The following PCLAF variants were observed in gnomAD, a reference collection of about 807,000 sequenced individuals.
The protein encoded by PCLAF is PCNA-associated factor.
Under a neutral mutation model 15.1 loss-of-function variants are expected in PCLAF, and 12 were observed. That is an observed-to-expected ratio of 0.79 (90% confidence interval 0.51 to 1.29). The LOEUF (loss-of-function observed/expected upper bound fraction) is 1.29. Ranked by LOEUF, PCLAF falls within the 50% of genes most tolerant of loss-of-function variation. The probability of loss-of-function intolerance (pLI) is 0.00; values close to 1 mark genes in which losing one functional copy is unlikely to be tolerated. For synonymous variants in PCLAF, 33 were observed against 47.1 expected, an observed-to-expected ratio of 0.70 and a Z score of 1.22; for missense variants, 116 against 130.9, an observed-to-expected ratio of 0.89 and a Z score of 0.56.
At chr15:64,375,100 C>CAT (rs775317978) in intron 3 of PCLAF, among the ~76,000 whole-genome samples, 72 of 151,982 alleles carry the variant, frequency 4.7e-4, no homozygotes, top group Non-Finnish European at 8.8e-4. Flanking sequence ...CCAACTTTTC[C>CAT]ATATTGGTCA....
chr15:64,387,663 C>T (rs1262390840), exon 1 of PCLAF: 2 of 1,410,748 alleles, frequency 1.4e-6, no homozygotes, highest in African/African-American at 1.4e-5. Flanking sequence ...AGCTCGACTC[C>T]GGAGGGCACA....
chr15:64,381,199 G>C, intron 1 of PCLAF, 127 bp downstream of exon 1: 1 of 1,247,146 alleles, frequency 8.0e-7, no homozygotes, highest in Non-Finnish European at 1.2e-6. Flanking sequence ...GGGGCCAGGC[G>C]GCTACTCCCT....
chr15:64,368,943 C>A (rs2094192098), intron 3 of PCLAF, among the ~76,000 whole-genome samples: 1 of 152,128 alleles, frequency 6.6e-6, no homozygotes, highest in African/African-American at 2.4e-5. Context: ...TAAAGCTAGT[C>A]TTGACTATCA....
In PCLAF at chr15:64,376,783, C is replaced by G. The variant is rs757112395; in HGVS notation, c.250G>C (p.Glu84Gln). 1 of 1,613,910 alleles carries G rather than the reference C, an allele frequency of 6.2e-7. No homozygotes were observed. Among genetic ancestry groups the G allele is most frequent in the Non-Finnish European group, 8.5e-7 (1 of 1,179,866 alleles). Residue 84 changes from glutamate (E) to glutamine (Q), a missense_variant, in exon 3 of 4, where the codon GAA becomes CAA. Glu to Gln is a conservative substitution (Grantham distance 29). Transcript: ENST00000300035. ...CCTAAGCCACTGCTTCCTGCCTCTT[C>G]AGGAATCTGATTCTCTTTTTCAGAA... ...KDSEKENQIP[E>Q]EAGSSGLGKA...
At chr15:64,373,239 T>A (rs1899424942) in intron 3 of PCLAF, 1 of 153,018 alleles carries the variant, frequency 6.5e-6, no homozygotes, top group African/African-American at 2.4e-5. Context: ...TAATTTTTGA[T>A]GTTCTCTTTC....
chr15:64,386,797 T>C (rs939195523), intron 1 of PCLAF, among the ~76,000 whole-genome samples: 3 of 152,076 alleles, frequency 2.0e-5, no homozygotes, highest in African/African-American at 4.8e-5. Context: ...AGCAAAAAGG[T>C]AAAACAGCTG....
chr15:64,381,318 C>A lies in PCLAF; in HGVS notation c.46+8G>T. On this transcript the variant is annotated splice_region_variant and intron_variant, in intron 1 of 3. Transcript: ENST00000300035. ...CCCGCCCTCCAGTACCACACTCGAT[C>A]GCCTCACCTTTTCTGTAAGTGCCTG... 2.5e-6 allele frequency: 4 copies of A among 1,614,116 alleles called. No individual in the cohort carries two copies. The highest frequency in any genetic ancestry group is 3.4e-6 in the Non-Finnish European group (4 of 1,180,000).
chr15:64,381,609 C>A, upstream of PCLAF: 4 of 1,232,648 alleles, frequency 3.2e-6, no homozygotes, highest in Non-Finnish European at 4.4e-6. Flanking sequence ...CGTCCATCAA[C>A]ACGCAAAGGC....
upstream of PCLAF, chr15:64,382,415 CAA>C (rs112399665): frequency 2.3e-4 from 16 of 68,212 alleles, no homozygotes; most frequent in East Asian, 4.3e-4. Flanking sequence ...GATCCTGTCT[CAA>C]AAAAAAAAAA....
At chr15:64,368,482 T>C (rs1899142841) in intron 3 of PCLAF, among the ~76,000 whole-genome samples, 1 of 152,190 alleles carries the variant, frequency 6.6e-6, no homozygotes, top group South Asian at 2.1e-4. Flanking sequence ...ATCATAACTC[T>C]GTTAAAGGTT....
At chr15:64,375,741 AG>A (rs1899582272) in intron 3 of PCLAF, among the ~76,000 whole-genome samples, 1 of 152,176 alleles carries the variant, frequency 6.6e-6, no homozygotes, top group Non-Finnish European at 1.5e-5. Flanking sequence ...TTTAAGGGAC[AG>A]GATTAATGGA....
intron 3 of PCLAF, among the ~76,000 whole-genome samples, chr15:64,371,493 T>C (rs1899312344): frequency 6.6e-6 from 1 of 152,166 alleles, no homozygotes; most frequent in Non-Finnish European, 1.5e-5. Flanking sequence ...CTCAAACTCC[T>C]GACCTCAGGT....
chr15:64,367,234 T>C (rs1006978499), intron 3 of PCLAF, among the ~76,000 whole-genome samples: 2 of 152,138 alleles, frequency 1.3e-5, no homozygotes, highest in African/African-American at 4.8e-5. Context: ...GAGGGCCCTG[T>C]GGCTCGTGCC....
intron 1 of PCLAF, among the ~76,000 whole-genome samples, chr15:64,386,577 A>G (rs1899942260): frequency 6.6e-6 from 1 of 151,756 alleles, no homozygotes; most frequent in Admixed American, 6.6e-5. Flanking sequence ...CTTGCCTCTG[A>G]TTCCCAAAGT....
rs146271324 is a variant in PCLAF at position 64,381,048 on chromosome 15, G to A, written c.47-10C>T. 108 of 1,612,016 alleles carry A rather than the reference G, an allele frequency of 6.7e-5. No individual in the cohort carries two copies. Among genetic ancestry groups the A allele is most frequent in the Admixed American group, 4.6e-4 (27 of 59,290 alleles). On this transcript the variant is annotated splice_polypyrimidine_tract_variant and intron_variant, in intron 1 of 3. Coordinates refer to ENST00000300035, the MANE Select transcript of PCLAF (RefSeq NM_014736.6). Reference sequence around the variant, plus strand: ...GCTCGAGCAGCCACCACTGTGAAGAGAGGCAAAAAAGGGTGTTCAGAAGGG... The same window carrying A: ...GCTCGAGCAGCCACCACTGTGAAGAAAGGCAAAAAAGGGTGTTCAGAAGGG...
At chr15:64,369,363 TAA>T (rs72110519) in intron 3 of PCLAF, among the ~76,000 whole-genome samples, 71,889 of 95,094 alleles carry the variant, frequency 0.76, 27,410 homozygotes, top group East Asian at 0.95. Context: ...CCTGTCTCTT[TAA>T]AAAAAAAAAA....
At chr15:64,384,609 G>A (rs186195807), upstream of PCLAF, among the ~76,000 whole-genome samples, 2 of 151,558 alleles carry the variant, frequency 1.3e-5, no homozygotes, top group Non-Finnish European at 2.9e-5. Flanking sequence ...AGGCATGATG[G>A]CTGGTGCCTG....
At chr15:64,384,833 C>A (rs566112639), upstream of PCLAF, among the ~76,000 whole-genome samples, 2 of 151,482 alleles carry the variant, frequency 1.3e-5, no homozygotes, top group African/African-American at 2.4e-5. Flanking sequence ...TGTAATTTAA[C>A]AAATGACAGT....
At chr15:64,377,842 C>T (rs944915620) in intron 2 of PCLAF, among the ~76,000 whole-genome samples, 1 of 149,222 alleles carries the variant, frequency 6.7e-6, no homozygotes, top group African/African-American at 2.5e-5. Context: ...ACCTCTGCCT[C>T]CCGGATTCAA....
Sources: allele counts gnomAD v4.1 joint callset (sites outside exome capture counted in the v4.1 genomes callset), GRCh38; gene constraint gnomAD v4.1.1; transcripts MANE v1.5; gene names NCBI Gene and HGNC (gene_info 2026-07-23, HGNC 2026-07-21).